The following SASH1 variants were observed in gnomAD, a reference collection of about 807,000 sequenced individuals.
The protein encoded by SASH1 is SAM and SH3 domain-containing protein 1.
Under a neutral mutation model 125.2 loss-of-function variants are expected in SASH1, and 44 were observed. The observed-to-expected ratio is 0.35, with a 90% CI of 0.28 to 0.45. The LOEUF is 0.45. SASH1 is among the 20% of genes least tolerant of loss of function. The pLI is 1.00. For synonymous variants in SASH1, 639 were observed against 649.1 expected (o/e 0.98, Z 0.24); for missense variants, 1,426 against 1,614.5 (o/e 0.88, Z 2.00).
Position 148,543,840 on chromosome 6 carries a change from C to G in SASH1, c.2370C>G (p.Gly790=). ...AGGAGGAGGGCAGGCTGGGTGGTGG[C>G]CTTGCCCCAGACACGTCCAAGAGCT... ...QGQEEGRLGG[G]LAPDTSKSCD... The change falls in exon 18 of 20, where the codon GGC becomes GGG. Residue 790 remains glycine, a synonymous_variant. Coordinates refer to ENST00000367467, the MANE Select transcript of SASH1 (RefSeq NM_015278.5). 1 of 1,614,140 alleles carries G rather than the reference C, an allele frequency of 6.2e-7. No homozygotes were observed. The highest frequency in any genetic ancestry group is 8.5e-7 in the Non-Finnish European group (1 of 1,180,006).
chr6:148,422,433 G>T (rs1377887153), intron 2 of SASH1, among the ~76,000 whole-genome samples: 3 of 152,206 alleles, frequency 2.0e-5, no homozygotes, highest in Non-Finnish European at 4.4e-5. Context: ...GTTGGGCCTT[G>T]TGGCTGTGGA....
At chr6:148,203,882 T>C in the SASH1 span, among the ~76,000 whole-genome samples, 1 of 152,226 alleles carries the variant, frequency 6.6e-6, no homozygotes, top group African/African-American at 2.4e-5. Flanking sequence ...TTCCATCCAG[T>C]AGAGAAACTC....
Position 148,390,227 on chromosome 6 carries a change from C to A in SASH1, c.250C>A (p.Leu84Met). The A allele has an allele frequency of 6.2e-7, 1 of 1,612,704 alleles. No individual in the cohort carries two copies. The highest frequency in any genetic ancestry group is 8.5e-7 in the Non-Finnish European group (1 of 1,179,624). ...FSDVCERMEE[L>M]RKRRVSQDLE... The stretch of plus-strand genomic sequence containing the variant: ...CGACGTGTGCGAGAGGATGGAGGAG[C>A]TGCGGAAACGGCGGGTTTCCCAGGA... Residue 84 changes from leucine (L) to methionine (M), a missense_variant, in exon 2 of 20, where the codon CTG (leucine) becomes ATG (methionine). This residue lies in a region of SASH1 where 567 missense variants were observed against 575.6 expected (regional missense o/e 0.99). Coordinates refer to ENST00000367467, the MANE Select transcript of SASH1 (RefSeq NM_015278.5).
intron 2 of SASH1, among the ~76,000 whole-genome samples, chr6:148,397,205 G>A (rs1216054772): frequency 6.6e-6 from 1 of 152,040 alleles, no homozygotes; most frequent in African/African-American, 2.4e-5. Flanking sequence ...TTTTGTCCTG[G>A]CACGGTGGCT....
the SASH1 span, among the ~76,000 whole-genome samples, chr6:148,254,568 A>G: frequency 6.6e-6 from 1 of 152,246 alleles, no homozygotes; most frequent in African/African-American, 2.4e-5. Flanking sequence ...AAAGAAGAAC[A>G]TATGAATGAC....
chr6:148,432,745 G>A (rs1776117917), intron 2 of SASH1, among the ~76,000 whole-genome samples: 1 of 152,242 alleles, frequency 6.6e-6, no homozygotes, highest in African/African-American at 2.4e-5. Flanking sequence ...ATTAAGGGAG[G>A]AGGAACGTGT....
At chr6:148,259,442 C>A in the SASH1 span, among the ~76,000 whole-genome samples, 1 of 152,190 alleles carries the variant, frequency 6.6e-6, no homozygotes, top group Non-Finnish European at 1.5e-5. Flanking sequence ...GCCCCCACTC[C>A]CCTACCATCC....
chr6:148,335,235 T>C (rs532964315), intron 1 of SASH1, among the ~76,000 whole-genome samples: 1 of 150,678 alleles, frequency 6.6e-6, no homozygotes, highest in South Asian at 2.1e-4. Context: ...GAAGCAGAGG[T>C]TGCAGTGAGC....
chr6:148,542,925 TTGTC>T (rs758569383), intron 17 of SASH1, among the ~76,000 whole-genome samples: 1 of 151,908 alleles, frequency 6.6e-6, no homozygotes, highest in Admixed American at 6.6e-5. Context: ...ATTCAGCACA[TTGTC>T]TGGCCCATGA....
At chr6:148,464,297 G>A (rs1046702061) in intron 4 of SASH1, among the ~76,000 whole-genome samples, 1 of 152,212 alleles carries the variant, frequency 6.6e-6, no homozygotes, top group African/African-American at 2.4e-5. Flanking sequence ...GTTCAGTTCT[G>A]AGACTTTAAA....
chr6:148,391,360 G>A (rs1783718871), intron 2 of SASH1, among the ~76,000 whole-genome samples: 2 of 149,456 alleles, frequency 1.3e-5, no homozygotes, highest in African/African-American at 4.9e-5. Flanking sequence ...CACCCGCGTT[G>A]GCCTCCCAAA....
At chr6:148,483,374 CA>C (rs1333591213) in intron 7 of SASH1, among the ~76,000 whole-genome samples, 2 of 152,202 alleles carry the variant, frequency 1.3e-5, no homozygotes, top group Non-Finnish European at 2.9e-5. Context: ...CTCATGGCCC[CA>C]AACACCTCTC....
At chr6:148,248,935 A>G in the SASH1 span, among the ~76,000 whole-genome samples, 1 of 152,346 alleles carries the variant, frequency 6.6e-6, no homozygotes, top group African/African-American at 2.4e-5. Flanking sequence ...TCCTTTTAAA[A>G]CTAATTTATA....
intron 1 of SASH1, among the ~76,000 whole-genome samples, chr6:148,321,434 T>C (rs1780631794): frequency 6.6e-6 from 1 of 151,206 alleles, no homozygotes; most frequent in South Asian, 2.1e-4. Flanking sequence ...TGTATGTGCA[T>C]GAAAGATCAA....
At chr6:148,362,930 A>C (rs559908260) in intron 1 of SASH1, among the ~76,000 whole-genome samples, 1 of 152,314 alleles carries the variant, frequency 6.6e-6, no homozygotes, top group South Asian at 2.1e-4. Flanking sequence ...TCCTCTTTGA[A>C]TCTCAACTGC....
the SASH1 span, among the ~76,000 whole-genome samples, chr6:148,200,421 C>G: frequency 6.6e-6 from 1 of 152,148 alleles, no homozygotes; most frequent in Non-Finnish European, 1.5e-5. Flanking sequence ...GCTCACAGAG[C>G]GAGCGGGAGG....
chr6:148,347,958 C>T (rs1358285929), intron 1 of SASH1, among the ~76,000 whole-genome samples: 1 of 152,128 alleles, frequency 6.6e-6, no homozygotes, highest in Admixed American at 6.5e-5. Context: ...ATGTTCACTT[C>T]TTTGGCAAAG....
At chr6:148,209,739 G>A in the SASH1 span, among the ~76,000 whole-genome samples, 8,289 of 152,176 alleles carry the variant, frequency 0.054, 761 homozygotes, top group African/African-American at 0.19. Flanking sequence ...TCCTCAACCC[G>A]TATGCCTCCC....
chr6:148,411,014 C>T (rs1487830527), intron 2 of SASH1, among the ~76,000 whole-genome samples: 1 of 151,900 alleles, frequency 6.6e-6, no homozygotes. Flanking sequence ...ACAAAATTAG[C>T]TGGGCATGGT....
Sources: allele counts gnomAD v4.1 joint callset (sites outside exome capture counted in the v4.1 genomes callset), GRCh38; gene constraint gnomAD v4.1.1; regional missense constraint gnomAD v4.1.1; transcripts MANE v1.5; gene names NCBI Gene and HGNC (gene_info 2026-07-23, HGNC 2026-07-21).